Variants in SLC2A4RG observed in about 807,000 individuals in gnomAD.
SLC2A4RG encodes SLC2A4 regulator, also known as GLUT4 enhancer factor.
A neutral mutation model predicts 35.5 loss-of-function variants in SLC2A4RG; 23 were observed. That is an observed-to-expected ratio of 0.65 (90% CI 0.47 to 0.92). The LOEUF (loss-of-function observed/expected upper bound fraction) is 0.92. Ranked by LOEUF, SLC2A4RG falls within the 40% of genes least tolerant of loss-of-function variation. SLC2A4RG has a pLI of 0.00. For synonymous variants in SLC2A4RG, 306 were observed against 243.7 expected, an observed-to-expected ratio of 1.26 and a Z score of -2.38; for missense variants, 539 against 525.0, an observed-to-expected ratio of 1.03 and a Z score of -0.26.
Position 63,742,004 on chromosome 20 carries a change from C to G in SLC2A4RG, c.527C>G (p.Pro176Arg). Residue 176 changes from proline (P) to arginine (R), a missense_variant, in exon 4 of 8, where the codon CCC (proline) becomes CGC (arginine). Pro to Arg is a moderately radical substitution (Grantham distance 103). Coordinates refer to ENST00000266077, the MANE Select transcript of SLC2A4RG (RefSeq NM_020062.4). ...CCGTCCACCCCGTCACCCCCACTGC[C>G]CCCCGAGGCAGCCCACTTTCTGTTT... ...SSPSTPSPPL[P>R]PEAAHFLFGE... 1 of 1,612,938 alleles carries G rather than the reference C, an allele frequency of 6.2e-7. No homozygotes were observed. Among genetic ancestry groups the G allele is most frequent in the Non-Finnish European group, 8.5e-7 (1 of 1,179,704 alleles).
intron 3 of SLC2A4RG, among the ~76,000 whole-genome samples, 183 bp downstream of exon 3, chr20:63,741,662 C>G (rs1242520165): frequency 1.3e-5 from 2 of 152,236 alleles, no homozygotes; most frequent in Non-Finnish European, 2.9e-5. Flanking sequence ...TCTGGCCTCC[C>G]TGACCTGCTC....
At position 63,741,862 on chromosome 20, in the gene SLC2A4RG, C is replaced by G. The variant is rs747486859; in HGVS notation, c.392-7C>G. The G allele has an allele frequency of 6.3e-7, 1 of 1,583,918 alleles. No homozygotes were observed. The highest frequency in any genetic ancestry group is 1.1e-5 in the South Asian group (1 of 87,880). On this transcript the variant is annotated splice_polypyrimidine_tract_variant and splice_region_variant and intron_variant, in intron 3 of 7. Transcript: ENST00000266077. ...AGTTCTAAGGCGGGGGGCCCGTGTCCCCACAGAGCCTGGCCTGGAGCCCTG... is the reference window on the plus strand; with the variant it reads ...AGTTCTAAGGCGGGGGGCCCGTGTCGCCACAGAGCCTGGCCTGGAGCCCTG...
In SLC2A4RG at chr20:63,739,847, C is replaced by T. The variant is rs1192367762; in HGVS notation, c.-66C>T. 3.3e-5 allele frequency: 32 copies of T among 975,874 alleles called. No individual in the cohort carries two copies. The highest frequency in any genetic ancestry group is 1.1e-4 in the African/African-American group (6 of 55,722). The allele number at this position is 975,874 out of a possible 1,614,324, so 60.5% of individuals were successfully genotyped here. A position where few individuals can be genotyped will look rare whatever the true frequency, so the allele number is the denominator to read the frequency against. ...GGTCGGCGGCCCGGCCAGCCCGGCCCGGCCCGGGGCCGCGTCCTGAGAGTC... is the reference window on the plus strand; with the variant it reads ...GGTCGGCGGCCCGGCCAGCCCGGCCTGGCCCGGGGCCGCGTCCTGAGAGTC... On this transcript the variant is annotated 5_prime_UTR_variant, in exon 1 of 8. Coordinates refer to ENST00000266077, the MANE Select transcript of SLC2A4RG (RefSeq NM_020062.4).
chr20:63,742,969 C>T lies in SLC2A4RG; in HGVS notation c.1143C>T (p.Ala381=), dbSNP rs1246114479. Residue 381 remains alanine (A), a synonymous_variant, in exon 8 of 8, where the codon GCC becomes GCT. Coordinates refer to ENST00000266077, the MANE Select transcript of SLC2A4RG (RefSeq NM_020062.4). ...LWCTACRWKK[A]CQRFLD ...GCACAGCCTGCCGCTGGAAGAAAGC[C>T]TGCCAGCGGTTCCTGGACTAAGTCC... 4 of 1,611,356 alleles carry T rather than the reference C, an allele frequency of 2.5e-6. No homozygotes were observed. In the African/African-American group the frequency reaches 5.3e-5, roughly 22 times the overall value.
chr20:63,742,133 C>G lies in SLC2A4RG; in HGVS notation c.583C>G (p.Pro195Ala). The G allele has an allele frequency of 6.2e-7, 1 of 1,603,948 alleles. No homozygotes were observed. The highest frequency in any genetic ancestry group is 8.5e-7 in the Non-Finnish European group (1 of 1,175,792). ...ACCCTGGCCCCTGTTGCTGCAGAGCCCGGCCCAGGTCATGTTCCAGTGTCT... is the reference window on the plus strand; with the variant it reads ...ACCCTGGCCCCTGTTGCTGCAGAGCGCGGCCCAGGTCATGTTCCAGTGTCT... ...GEPTLRKRKSPAQVMFQCLWK... is the reference protein window; with the variant it reads ...GEPTLRKRKSAAQVMFQCLWK... The change falls in exon 5 of 8, where the codon CCG (proline) becomes GCG (alanine). Residue 195 changes from proline (P) to alanine (A), a missense_variant. Pro to Ala is a conservative substitution (Grantham distance 27). Transcript: ENST00000266077.
In SLC2A4RG at chr20:63,742,264, G is replaced by A. The variant is rs370814297; in HGVS notation, c.680+34G>A. On this transcript the variant is annotated intron_variant, in intron 5 of 7. Transcript: ENST00000266077. ...GGGCCTGGGGTGCGGCGGGGCCTGC[G>A]GGTTGGCTGGGGTTGTGAGGCCCGG... The A allele has an allele frequency of 1.5e-4, 236 of 1,588,448 alleles. 1 individual carries two copies. The highest frequency in any genetic ancestry group is 7.5e-4 in the African/African-American group (56 of 74,530).
intron 2 of SLC2A4RG, among the ~76,000 whole-genome samples, chr20:63,740,975 C>T (rs938938707): frequency 6.6e-6 from 1 of 152,222 alleles, no homozygotes; most frequent in Non-Finnish European, 1.5e-5. Flanking sequence ...CTGCCGGCTG[C>T]TGGCCACTCC....
At position 63,739,923 on chromosome 20, in the gene SLC2A4RG, C is replaced by A. The variant is rs946771829; in HGVS notation, c.11C>A (p.Pro4His). ...CCCGGCCGGCCGGCCATGGAGCGCC[C>A]CCCGCCCCGCGCCGCCGGCCGGGAC... MER[P>H]PPRAAGRDPS... Residue 4 changes from proline (P) to histidine (H), a missense_variant, in exon 1 of 8, where the codon CCC becomes CAC. Transcript: ENST00000266077. 4.1e-6 allele frequency: 4 copies of A among 978,958 alleles called. No homozygotes were observed. In the African/African-American group the frequency reaches 5.3e-5, roughly 13 times the overall value. The allele number at this position is 978,958 out of a possible 1,614,324, so 60.6% of individuals were successfully genotyped here.
intron 2 of SLC2A4RG, among the ~76,000 whole-genome samples, chr20:63,741,095 C>G (rs948079528): frequency 3.9e-5 from 6 of 152,236 alleles, no homozygotes; most frequent in Non-Finnish European, 5.9e-5. Context: ...GCTTCAGACC[C>G]CTGCCCAGCC....
rs2092052536 is a variant in SLC2A4RG, at chr20:63,743,033, C to G, written c.*43C>G. ...ACATAAGCTACCACCTTCTCCCTCCCCACCCCCTCCAGGCCCGGGGCTGAA... is the reference window on the plus strand; with the variant it reads ...ACATAAGCTACCACCTTCTCCCTCCGCACCCCCTCCAGGCCCGGGGCTGAA... On this transcript the variant is annotated 3_prime_UTR_variant, in exon 8 of 8. Transcript: ENST00000266077. 6.6e-7 allele frequency: 1 copy of G among 1,503,806 alleles called. No homozygotes were observed. The highest frequency in any genetic ancestry group is 1.4e-5 in the African/African-American group (1 of 72,608). The allele number at this position is 1,503,806 out of a possible 1,614,324, so 93.2% of individuals were successfully genotyped here.
Position 63,741,681 on chromosome 20 carries a change from G to A in SLC2A4RG, c.392-188G>A, listed in dbSNP as rs1017063724. Reference sequence around the variant, plus strand: ...GCCTCCCTGACCTGCTCACCTCCACGCGGCTGGCCACACACGTCTGCCAAC... The same window carrying A: ...GCCTCCCTGACCTGCTCACCTCCACACGGCTGGCCACACACGTCTGCCAAC... On this transcript the variant is annotated intron_variant, in intron 3 of 7. Transcript: ENST00000266077. Among the ~76,000 whole-genome samples, 22 of 152,298 alleles carry A rather than the reference G, an allele frequency of 1.4e-4. 2 individuals carry two copies. The South Asian group carries it at 1.7e-3, about 11-fold the overall frequency.
chr20:63,742,993 C>CCGGCT lies in SLC2A4RG; in HGVS notation c.*6_*10dup. The CCGGCT allele has an allele frequency of 1.2e-6, 2 of 1,604,474 alleles. No individual in the cohort carries two copies. The highest frequency in any genetic ancestry group is 1.7e-6 in the Non-Finnish European group (2 of 1,175,520). On this transcript the variant is annotated 3_prime_UTR_variant, in exon 8 of 8. Transcript: ENST00000266077. ...CCTGCCAGCGGTTCCTGGACTAAGT[C>CCGGCT]CGGCTCGTTCAAGAACATAAGCTAC... is the stretch of plus-strand genomic sequence containing the variant.
At chr20:63,740,563 G>C in intron 2 of SLC2A4RG, 32 bp downstream of exon 2, 1 of 1,228,116 alleles carries the variant, frequency 8.1e-7, no homozygotes, top group South Asian at 4.1e-5. Flanking sequence ...TCGGGACTCG[G>C]TGTGCGCAGG....
In SLC2A4RG at chr20:63,743,014, G is replaced by A. The variant is rs1171509245; in HGVS notation, c.*24G>A. On this transcript the variant is annotated 3_prime_UTR_variant, in exon 8 of 8. Transcript: ENST00000266077. ...AAGTCCGGCTCGTTCAAGAACATAA[G>A]CTACCACCTTCTCCCTCCCCACCCC... 20 of 1,565,470 alleles carry A rather than the reference G, an allele frequency of 1.3e-5. No individual in the cohort carries two copies. Among genetic ancestry groups the A allele is most frequent in the Non-Finnish European group, 1.7e-5 (20 of 1,150,696 alleles).
rs374169091 is a variant in SLC2A4RG at position 63,742,727 on chromosome 20, C to G, written c.989C>G (p.Pro330Arg). 1 of 1,597,694 alleles carries G rather than the reference C, an allele frequency of 6.3e-7. No individual in the cohort carries two copies. Among genetic ancestry groups the G allele is most frequent in the Middle Eastern group, 1.7e-4 (1 of 5,966 alleles). Residue 330 changes from proline to arginine, a missense_variant, in exon 7 of 8, where the codon CCG becomes CGG. Pro to Arg is a moderately radical substitution (Grantham distance 103). Transcript: ENST00000266077. ...QGCLTPARLEPQPTEVGACPP... is the reference protein window; with the variant it reads ...QGCLTPARLERQPTEVGACPP... ...TGCCTGACGCCCGCCCGCCTGGAGC[C>G]GCAGCCCACGGAGGTCGGAGCCTGC... is the stretch of plus-strand genomic sequence containing the variant.
At position 63,743,259 on chromosome 20, in the gene SLC2A4RG, T is replaced by G; in HGVS notation, c.*269T>G. 3.1e-6 allele frequency: 1 copy of G among 324,670 alleles called. No individual in the cohort carries two copies. Among genetic ancestry groups the G allele is most frequent in the Non-Finnish European group, 5.7e-6 (1 of 174,830 alleles). 20.1% of individuals were successfully genotyped at this position (324,670 alleles called of 1,614,324 possible). ...GCTGTCCCCTTAGCCCCAAGGGCCC[T>G]GGGGGCAGCCACCCTCCCGCCTGTC... is the stretch of plus-strand genomic sequence containing the variant. On this transcript the variant is annotated 3_prime_UTR_variant, in exon 8 of 8. Transcript: ENST00000266077.
rs534645009 is a variant in SLC2A4RG at position 63,742,785 on chromosome 20, C to T, written c.1047C>T (p.Thr349=). 4.4e-6 allele frequency: 7 copies of T among 1,585,304 alleles called. No individual in the cohort carries two copies. In the African/African-American group the frequency reaches 8.0e-5, roughly 18 times the overall value. Residue 349 remains threonine, a synonymous_variant, in exon 7 of 8, where the codon ACC becomes ACT. Coordinates refer to ENST00000266077, the MANE Select transcript of SLC2A4RG (RefSeq NM_020062.4). ...PPALSSRIGV[T]LRKPRGDAKK... Reference sequence around the variant, plus strand: ...CCTTGTCCTCCAGGATCGGAGTCACCCTGAGGTGCGTGTGGGCTGAGGGCC... The same window carrying T: ...CCTTGTCCTCCAGGATCGGAGTCACTCTGAGGTGCGTGTGGGCTGAGGGCC...
At chr20:63,740,297 A>C in intron 1 of SLC2A4RG, 80 bp from the exon 2 acceptor site, 7 of 951,890 alleles carry the variant, frequency 7.4e-6, no homozygotes, top group Non-Finnish European at 8.0e-6. Context: ...GCGGGCGCCG[A>C]GCGGATCCGC....
In SLC2A4RG at chr20:63,742,573, C is replaced by G; in HGVS notation, c.918C>G (p.Thr306=). Residue 306 remains threonine, a synonymous_variant, in exon 6 of 8, where the codon ACC becomes ACG. Transcript: ENST00000266077. The part of the protein sequence containing the change: ...PPLPPPPVLS[T]VANPQSCHSD... ...TGCCCCCGCCCCCTGTCCTGAGCAC[C>G]GTTGCTAACCCCCAGTCCTGTCACA... The G allele has an allele frequency of 6.3e-7, 1 of 1,579,560 alleles. No individual in the cohort carries two copies. Among genetic ancestry groups the G allele is most frequent in the Non-Finnish European group, 8.6e-7 (1 of 1,160,090 alleles).
Sources: allele counts gnomAD v4.1 joint callset (sites outside exome capture counted in the v4.1 genomes callset), GRCh38; gene constraint gnomAD v4.1.1; transcripts MANE v1.5; gene names NCBI Gene and HGNC (gene_info 2026-07-23, HGNC 2026-07-21).